PRKAG2: variants seen among roughly 807,000 people sequenced by gnomAD.
PRKAG2 encodes protein kinase AMP-activated non-catalytic subunit gamma 2, also known as 5'-AMP-activated protein kinase subunit gamma-2.
PRKAG2 carries 26 observed loss-of-function variants against 69.6 expected under a neutral mutation model. That is an observed-to-expected ratio of 0.37 (90% confidence interval 0.27 to 0.52). The LOEUF (loss-of-function observed/expected upper bound fraction) is 0.52. Among genes scored for constraint, PRKAG2 ranks in the 20% least tolerant of loss-of-function variants. The pLI is 0.90. For synonymous variants in PRKAG2, 293 were observed against 285.0 expected (o/e 1.03, Z -0.28); for missense variants, 557 against 740.0 (o/e 0.75, Z 2.87).
chr7:151,829,759 A>C (rs1025403580), intron 1 of PRKAG2, among the ~76,000 whole-genome samples: 7 of 152,030 alleles, frequency 4.6e-5, no homozygotes, highest in Non-Finnish European at 8.8e-5. Context: ...TACGTGAAAG[A>C]AGTCATAAAA....
chr7:151,696,510 G>C (rs961801986), intron 3 of PRKAG2, among the ~76,000 whole-genome samples: 2 of 152,232 alleles, frequency 1.3e-5, no homozygotes, highest in African/African-American at 4.8e-5. Flanking sequence ...CGGCGCCTCA[G>C]CCCTGACGCC....
intron 3 of PRKAG2, among the ~76,000 whole-genome samples, chr7:151,695,444 G>A (rs531861443): frequency 2.3e-4 from 35 of 152,186 alleles, no homozygotes; most frequent in Non-Finnish European, 4.1e-4. Flanking sequence ...CCAGAAGTAG[G>A]CATTTGTGAT....
intron 1 of PRKAG2, among the ~76,000 whole-genome samples, chr7:151,853,889 CT>C (rs2079641312): frequency 6.6e-6 from 1 of 152,212 alleles, no homozygotes. Flanking sequence ...AAAATAAGAC[CT>C]TCTGACCCCA....
Position 151,833,753 on chromosome 7 carries a change from G to A in PRKAG2, c.114+42754C>T, listed in dbSNP as rs557553035. ...GGGGCAAAGGGGAGGTTGGCACGAG[G>A]CAAGCCCAGAATCCAACTGGCATAA... On this transcript the variant is annotated intron_variant, in intron 1 of 15. Coordinates refer to ENST00000287878, the MANE Select transcript of PRKAG2 (RefSeq NM_016203.4). 7.1e-4 allele frequency among the ~76,000 whole-genome samples: 108 copies of A among 152,340 alleles called. 1 individual carries two copies. The highest frequency in any genetic ancestry group is 1.9e-3 in the East Asian group (10 of 5,192).
At chr7:151,723,089 C>T (rs956530330) in intron 3 of PRKAG2, among the ~76,000 whole-genome samples, 3 of 152,190 alleles carry the variant, frequency 2.0e-5, no homozygotes, top group Non-Finnish European at 4.4e-5. Context: ...TCCACAGCCC[C>T]GGCTCTGAGA....
intron 3 of PRKAG2, among the ~76,000 whole-genome samples, chr7:151,708,046 C>T (rs566912461): frequency 1.3e-5 from 2 of 152,176 alleles, no homozygotes; most frequent in African/African-American, 4.8e-5. Flanking sequence ...AACTGGCCCC[C>T]GCTGTCCACA....
intron 1 of PRKAG2, among the ~76,000 whole-genome samples, chr7:151,848,192 C>T (rs1333276165): frequency 6.6e-6 from 1 of 152,142 alleles, no homozygotes; most frequent in Non-Finnish European, 1.5e-5. Context: ...AAACTTAATC[C>T]CTCATGCAAC....
At chr7:151,604,505 G>T (rs1817013562) in intron 5 of PRKAG2, among the ~76,000 whole-genome samples, 1 of 152,052 alleles carries the variant, frequency 6.6e-6, no homozygotes, top group Non-Finnish European at 1.5e-5. Context: ...AGGTGTGGTG[G>T]TGCACACCTA....
intron 5 of PRKAG2, among the ~76,000 whole-genome samples, chr7:151,603,886 G>A (rs935375731): frequency 1.3e-5 from 2 of 152,182 alleles, no homozygotes; most frequent in Non-Finnish European, 2.9e-5. Context: ...ATGTACAGGA[G>A]AGTTATTTAT....
intron 3 of PRKAG2, among the ~76,000 whole-genome samples, chr7:151,758,599 G>A (rs2075240461): frequency 6.6e-6 from 1 of 152,172 alleles, no homozygotes; most frequent in African/African-American, 2.4e-5. Context: ...GAGACATGGT[G>A]TTCTTCCCAT....
At chr7:151,588,576 T>A (rs1343891572) in intron 6 of PRKAG2, among the ~76,000 whole-genome samples, 3 of 152,038 alleles carry the variant, frequency 2.0e-5, no homozygotes, top group African/African-American at 7.2e-5. Context: ...GCCAGGCTGG[T>A]CTCAAAATCC....
intron 6 of PRKAG2, among the ~76,000 whole-genome samples, chr7:151,577,339 T>C (rs1809212370): frequency 6.6e-6 from 1 of 152,252 alleles, no homozygotes. Flanking sequence ...TAAGGTATCA[T>C]ACTTGAAGAT....
chr7:151,772,899 C>T (rs2076086663), intron 3 of PRKAG2, among the ~76,000 whole-genome samples: 1 of 151,342 alleles, frequency 6.6e-6, no homozygotes, highest in African/African-American at 2.4e-5. Flanking sequence ...GCAGGAGGAT[C>T]GCTTGAGCCT....
intron 5 of PRKAG2, among the ~76,000 whole-genome samples, chr7:151,609,519 C>T (rs56328120): frequency 0.051 from 7,726 of 152,232 alleles, 661 homozygotes; most frequent in African/African-American, 0.18. Flanking sequence ...TGGATTTCAA[C>T]GTGTCCTATT....
At position 151,769,796 on chromosome 7, in the gene PRKAG2, G is replaced by A. The variant is rs570747485; in HGVS notation, c.466+11356C>T. Among the ~76,000 whole-genome samples the A allele has an allele frequency of 3.9e-5, 6 of 152,318 alleles. No individual in the cohort carries two copies. In the East Asian group the frequency reaches 1.2e-3, roughly 29 times the overall value. On this transcript the variant is annotated intron_variant, in intron 3 of 15. Coordinates refer to ENST00000287878, the MANE Select transcript of PRKAG2 (RefSeq NM_016203.4). The stretch of plus-strand genomic sequence containing the variant: ...AGGTGGCACTGCTTGCGGGGCTGGG[G>A]TGCTGGGCTGACATGGCCGAGGGTG...
At chr7:151,620,486 T>G (rs1821225381) in intron 5 of PRKAG2, among the ~76,000 whole-genome samples, 1 of 144,594 alleles carries the variant, frequency 6.9e-6, no homozygotes, top group Non-Finnish European at 1.5e-5. Context: ...TTTTGTTTTG[T>G]TTTTTTTTTG....
chr7:151,692,566 AT>A (rs11459865), intron 3 of PRKAG2, among the ~76,000 whole-genome samples: 23 of 151,490 alleles, frequency 1.5e-4, no homozygotes, highest in East Asian at 5.8e-4. Flanking sequence ...AGAATAGCAC[AT>A]TTTTTTTTAA....
At chr7:151,704,943 A>G (rs750175982) in intron 3 of PRKAG2, among the ~76,000 whole-genome samples, 2 of 152,238 alleles carry the variant, frequency 1.3e-5, no homozygotes, top group African/African-American at 4.8e-5. Context: ...TTAGCGCTTA[A>G]AAGTCCTGCC....
chr7:151,754,522 C>T (rs900358940), intron 3 of PRKAG2, among the ~76,000 whole-genome samples: 1 of 152,178 alleles, frequency 6.6e-6, no homozygotes, highest in Non-Finnish European at 1.5e-5. Flanking sequence ...AGCACTGGGG[C>T]TTAGGGGCAG....
Sources: allele counts gnomAD v4.1 joint callset (sites outside exome capture counted in the v4.1 genomes callset), GRCh38; gene constraint gnomAD v4.1.1; transcripts MANE v1.5; gene names NCBI Gene and HGNC (gene_info 2026-07-23, HGNC 2026-07-21).